Variants in BICRAL observed in about 807,000 individuals in gnomAD.
BICRAL encodes the protein BRD4-interacting chromatin-remodeling complex-associated protein-like.
In BICRAL, 8 loss-of-function variants were observed where a neutral mutation model predicts 91.8. The ratio of observed to expected loss-of-function variants is 0.09; its 90% CI spans 0.05 to 0.16. The LOEUF is 0.16. Among genes scored for constraint, BICRAL ranks in the 10% least tolerant of loss-of-function variants. The pLI, the probability that BICRAL is intolerant of heterozygous loss-of-function variation, is 1.00. For missense variants in BICRAL, 1,038 were observed against 1,310.9 expected, an observed-to-expected ratio of 0.79 and a Z score of 3.21; for synonymous variants, 445 against 491.1, an observed-to-expected ratio of 0.91 and a Z score of 1.24.
chr6:42,794,565 A>G (rs914619866), intron 1 of BICRAL, among the ~76,000 whole-genome samples: 1 of 151,998 alleles, frequency 6.6e-6, no homozygotes, highest in African/African-American at 2.4e-5. Flanking sequence ...TCTATTTTAT[A>G]TATTTTATAA....
At chr6:42,864,488 A>G (rs559556966) in intron 12 of BICRAL, among the ~76,000 whole-genome samples, 171 bp from the exon 13 acceptor site, 3 of 152,314 alleles carry the variant, frequency 2.0e-5, no homozygotes, top group African/African-American at 7.2e-5. Context: ...CTGCCTTTAC[A>G]GGATGCCCTC....
rs930203258 is a variant in BICRAL, at chr6:42,867,451, T to C, written c.*2005T>C. The C allele has an allele frequency of 2.0e-5, 3 of 152,934 alleles. No homozygotes were observed. The highest frequency in any genetic ancestry group is 4.4e-5 in the Non-Finnish European group (3 of 68,304). 9.5% of individuals were successfully genotyped at this position (152,934 alleles called of 1,614,324 possible). A position where few individuals can be genotyped will look rare whatever the true frequency, so the allele number is the denominator to read the frequency against. On this transcript the variant is annotated 3_prime_UTR_variant, in exon 13 of 13. Coordinates refer to ENST00000314073, the MANE Select transcript of BICRAL (RefSeq NM_001393499.1). Reference sequence around the variant, plus strand: ...TAAGTTGGTGTCGCCAGTTGGTACTTTCTGTTTGGGTAGTCCTAGGGTAAC... The same window carrying C: ...TAAGTTGGTGTCGCCAGTTGGTACTCTCTGTTTGGGTAGTCCTAGGGTAAC...
At chr6:42,760,749 T>C (rs1582800754) in intron 1 of BICRAL, among the ~76,000 whole-genome samples, 1 of 151,884 alleles carries the variant, frequency 6.6e-6, no homozygotes, top group African/African-American at 2.4e-5. Flanking sequence ...AAGACCAGGC[T>C]TGGGGCTCCC....
chr6:42,822,955 T>G lies in BICRAL; in HGVS notation c.111T>G (p.Asn37Lys). The stretch of plus-strand genomic sequence containing the variant: ...TGCAGAGCAATGATGACTTGACTAA[T>G]GCAGGATATTCTGCAGCCAATTCAA... ...SNKSSNDDLT[N>K]AGYSAANSNS... The change falls in exon 5 of 13, where the codon AAT becomes AAG. Residue 37 changes from asparagine to lysine, a missense_variant. This residue lies in a region of BICRAL where 115 missense variants were observed against 121.5 expected (regional missense o/e 0.95). Transcript: ENST00000314073. The G allele has an allele frequency of 6.2e-7, 1 of 1,611,700 alleles. No homozygotes were observed. Among genetic ancestry groups the G allele is most frequent in the Non-Finnish European group, 8.5e-7 (1 of 1,177,864 alleles).
chr6:42,852,678 A>C (rs1286500496), intron 7 of BICRAL, among the ~76,000 whole-genome samples: 3 of 151,714 alleles, frequency 2.0e-5, no homozygotes, highest in Admixed American at 6.6e-5. Flanking sequence ...AAAAAAAAAA[A>C]ACCCCACTAA....
intron 6 of BICRAL, among the ~76,000 whole-genome samples, chr6:42,841,075 TAAAAAAAAAAAAAA>T (rs758007416): frequency 2.3e-5 from 2 of 85,278 alleles, no homozygotes; most frequent in African/African-American, 4.8e-5. Flanking sequence ...ACTCAATCTT[TAAAAAAAAAAAAAA>T]AAAAAAAAAA....
intron 1 of BICRAL, among the ~76,000 whole-genome samples, chr6:42,795,177 A>G (rs1285215580): frequency 6.6e-6 from 1 of 152,284 alleles, no homozygotes; most frequent in South Asian, 2.1e-4. Flanking sequence ...CACACCTGTA[A>G]TCCCAGCACT....
intron 6 of BICRAL, among the ~76,000 whole-genome samples, chr6:42,832,387 GTATATATATATACATATATATGTATA>G (rs1288185899): frequency 1.4e-5 from 2 of 143,796 alleles, no homozygotes; most frequent in Non-Finnish European, 3.0e-5. Flanking sequence ...ATGTATGTAT[GTATATATATATACATATATATGTATA>G]TATATAATAT....
chr6:42,855,411 G>A (rs1308840316), intron 8 of BICRAL, among the ~76,000 whole-genome samples: 1 of 152,128 alleles, frequency 6.6e-6, no homozygotes, highest in Non-Finnish European at 1.5e-5. Context: ...GCGTGGTGGT[G>A]CATACCTGTA....
At chr6:42,839,961 A>G (rs1231745190) in intron 6 of BICRAL, among the ~76,000 whole-genome samples, 1 of 152,218 alleles carries the variant, frequency 6.6e-6, no homozygotes, top group African/African-American at 2.4e-5. Context: ...AGTGATTTAC[A>G]GGATTTACAC....
chr6:42,808,132 CTT>C (rs756290983), intron 1 of BICRAL, among the ~76,000 whole-genome samples: 21 of 139,118 alleles, frequency 1.5e-4, no homozygotes, highest in Admixed American at 2.2e-4. Flanking sequence ...ACTATAATAT[CTT>C]TTTTTTTTTT....
intron 1 of BICRAL, among the ~76,000 whole-genome samples, chr6:42,750,897 TTTTTTTTTTTTA>T (rs1342596934): frequency 2.5e-4 from 20 of 80,066 alleles, no homozygotes; most frequent in Admixed American, 6.4e-4. Context: ...TTTTTTTTTT[TTTTTTTTTTTTA>T]ATACTTTAAG....
chr6:42,787,723 G>A (rs1763141008), intron 1 of BICRAL, among the ~76,000 whole-genome samples: 1 of 152,148 alleles, frequency 6.6e-6, no homozygotes, highest in Non-Finnish European at 1.5e-5. Flanking sequence ...TTGACAACAT[G>A]ATGGTGACTG....
intron 1 of BICRAL, among the ~76,000 whole-genome samples, chr6:42,757,085 A>T (rs1762473669): frequency 6.6e-6 from 1 of 151,844 alleles, no homozygotes; most frequent in Non-Finnish European, 1.5e-5. Flanking sequence ...CTTCTATTGC[A>T]TTCATATGGT....
chr6:42,829,051 G>A lies in BICRAL; in HGVS notation c.718G>A (p.Gly240Ser), dbSNP rs1182438563. The A allele has an allele frequency of 6.2e-7, 1 of 1,613,978 alleles. No individual in the cohort carries two copies. Among genetic ancestry groups the A allele is most frequent in the Admixed American group, 1.7e-5 (1 of 60,012 alleles). ...AGATGGATCTCAAATCATATTAAAG[G>A]GCAGCGGGCAGCAAGCCCCATCAAA... ...NLDGSQIILK[G>S]SGQQAPSNVS... is the part of the protein sequence containing the mutation. The change falls in exon 6 of 13, where the codon GGC becomes AGC. Residue 240 changes from glycine (G) to serine (S), a missense_variant. This residue lies in a region of BICRAL where 532 missense variants were observed against 724.9 expected (regional missense o/e 0.73). Transcript: ENST00000314073.
At chr6:42,771,186 A>AGCGGTGT (rs1260677237) in intron 1 of BICRAL, among the ~76,000 whole-genome samples, 1 of 152,178 alleles carries the variant, frequency 6.6e-6, no homozygotes, top group Non-Finnish European at 1.5e-5. Flanking sequence ...GCTGCAAATG[A>AGCGGTGT]GCGGTGTACA....
chr6:42,798,565 A>G (rs1356087233), intron 1 of BICRAL, among the ~76,000 whole-genome samples: 3 of 152,078 alleles, frequency 2.0e-5, no homozygotes, highest in Non-Finnish European at 4.4e-5. Context: ...GCGTGGTGGC[A>G]GGCACCAGTA....
Position 42,829,806 on chromosome 6 carries a change from T to C in BICRAL, c.1473T>C (p.Ser491=). ...GTCCAGTGATAGCCAATCATGCCTC[T>C]CCTCAGCTTGTGGGTGGACAGATGC... ...SGSPVIANHA[S]PQLVGGQMPL... The change falls in exon 6 of 13, where the codon TCT becomes TCC. Residue 491 remains serine (S), a synonymous_variant. Coordinates refer to ENST00000314073, the MANE Select transcript of BICRAL (RefSeq NM_001393499.1). 6.2e-7 allele frequency: 1 copy of C among 1,614,218 alleles called. No homozygotes were observed. The highest frequency in any genetic ancestry group is 8.5e-7 in the Non-Finnish European group (1 of 1,180,046).
At chr6:42,857,600 T>TAAAAAA (rs748078737) in intron 10 of BICRAL, among the ~76,000 whole-genome samples, 25 of 101,316 alleles carry the variant, frequency 2.5e-4, no homozygotes, top group African/African-American at 9.5e-4. Flanking sequence ...CACTGTCTCT[T>TAAAAAA]AAAAAAAAAA....
Sources: gnomAD v4.1 joint callset for allele counts (sites outside exome capture counted in the v4.1 genomes callset) on GRCh38, gnomAD v4.1.1 for gene constraint, gnomAD v4.1.1 regional missense constraint, MANE v1.5 for transcripts, NCBI Gene and HGNC (gene_info 2026-07-23, HGNC 2026-07-21) for gene names.